HMCN2: variants seen among roughly 807,000 people sequenced by gnomAD.
HMCN2 encodes the protein hemicentin-2.
In HMCN2, 325 loss-of-function variants were observed where a neutral mutation model predicts 377.5. That is an observed-to-expected ratio of 0.86 (90% CI 0.79 to 0.94). The LOEUF is 0.94. HMCN2 is among the 40% of genes least tolerant of loss of function. The probability of loss-of-function intolerance (pLI) is 0.00; values close to 1 mark genes in which losing one functional copy is unlikely to be tolerated. For missense variants in HMCN2, 4,543 were observed against 4,725.3 expected (o/e 0.96, Z 1.13); for synonymous variants, 2,007 against 2,046.8 (o/e 0.98, Z 0.53).
At chr9:130,431,548 G>C in intron 96 of HMCN2, 62 bp downstream of exon 96, 1 of 1,524,578 alleles carries the variant, frequency 6.6e-7, no homozygotes, top group Non-Finnish European at 8.8e-7. Context: ...GCGTGGGATG[G>C]GACATGTGGC....
At position 130,377,651 on chromosome 9, in the gene HMCN2, C is replaced by T. The variant is rs769526755; in HGVS notation, c.8064C>T (p.Pro2688=). Residue 2688 remains proline (P), a splice_region_variant and synonymous_variant, in exon 53 of 98, where the codon CCC becomes CCT. Transcript: ENST00000683500. ...TGACCCCCTCATCCTCCTCACAGCC[C>T]GTGACCCCCAGCTCGCGGCTGCAGG... The part of the protein sequence containing the change: ...PTIRWYKDGQ[P]VTPSSRLQVL... 28 of 985,968 alleles carry T rather than the reference C, an allele frequency of 2.8e-5. No individual in the cohort carries two copies. Among genetic ancestry groups the T allele is most frequent in the East Asian group, 1.1e-4 (1 of 8,818 alleles). The allele number at this position is 985,968 out of a possible 1,614,324, so 61.1% of individuals were successfully genotyped here. A position where few individuals can be genotyped will look rare whatever the true frequency, so the allele number is the denominator to read the frequency against.
Position 130,271,341 on chromosome 9 carries a change from G to C in HMCN2, c.259+5204G>C, listed in dbSNP as rs541914718. ...CATGATCCACGTCCTTGGTGGGGGAGTATCTATCTACATGGATTATTTGGA... is the reference window on the plus strand; with the variant it reads ...CATGATCCACGTCCTTGGTGGGGGACTATCTATCTACATGGATTATTTGGA... On this transcript the variant is annotated intron_variant, in intron 1 of 97. Transcript: ENST00000683500. Among the ~76,000 whole-genome samples, 10 of 148,928 alleles carry C rather than the reference G, an allele frequency of 6.7e-5. 1 individual carries two copies. Among genetic ancestry groups the C allele is most frequent in the Non-Finnish European group, 7.5e-5 (5 of 66,334 alleles).
At chr9:130,323,464 C>T (rs1209578649) in intron 19 of HMCN2, among the ~76,000 whole-genome samples, 1 of 152,222 alleles carries the variant, frequency 6.6e-6, no homozygotes, top group African/African-American at 2.4e-5. Flanking sequence ...CTCATCTATC[C>T]ATTCCAGAAG....
chr9:130,285,101 G>T, intron 2 of HMCN2, 57 bp from the exon 3 acceptor site: 1 of 462,906 alleles, frequency 2.2e-6, no homozygotes, highest in Non-Finnish European at 4.5e-6. Flanking sequence ...GATGTCCCTG[G>T]GTGGGTCCCA....
chr9:130,428,499 G>A lies in HMCN2; in HGVS notation c.14197+10G>A. On this transcript the variant is annotated intron_variant, in intron 93 of 97. Coordinates refer to ENST00000683500, the MANE Select transcript of HMCN2 (RefSeq NM_001291815.2). This position sits in a 1 kb window ranked among gnomAD's most constrained non-coding sequence, Gnocchi z 5.0. ...GGGGCCGGCTGTGAAGGTGATGGGG[G>A]CACAGCATGCGGCCTGTCCATACTC... is the stretch of plus-strand genomic sequence containing the variant. The A allele has an allele frequency of 4.6e-6, 7 of 1,538,202 alleles. No homozygotes were observed. The highest frequency in any genetic ancestry group is 6.1e-6 in the Non-Finnish European group (7 of 1,146,826).
chr9:130,344,689 G>A (rs1365795524), intron 25 of HMCN2, among the ~76,000 whole-genome samples: 1 of 150,000 alleles, frequency 6.7e-6, no homozygotes, highest in Non-Finnish European at 1.5e-5. Flanking sequence ...TGATGTGTAT[G>A]TAGTGTGTGT....
chr9:130,307,033 T>C, intron 13 of HMCN2, 95 bp downstream of exon 13: 1 of 382,346 alleles, frequency 2.6e-6, no homozygotes, highest in Non-Finnish European at 5.5e-6. Context: ...AGCATTTACC[T>C]GTCACGCACC....
chr9:130,398,071 T>G (rs1219428496), intron 74 of HMCN2, among the ~76,000 whole-genome samples: 1 of 139,132 alleles, frequency 7.2e-6, no homozygotes, highest in East Asian at 2.1e-4. Context: ...GAGGATCACT[T>G]GAGCCCGGGA....
At position 130,377,346 on chromosome 9, in the gene HMCN2, C is replaced by A. The variant is rs117164151; in HGVS notation, c.8062-303C>A. Among the ~76,000 whole-genome samples, 546 of 152,284 alleles carry A rather than the reference C, an allele frequency of 3.6e-3. 17 individuals are homozygous for A. The East Asian group carries it at 0.066, about 18-fold the overall frequency. On this transcript the variant is annotated intron_variant, in intron 52 of 97. Coordinates refer to ENST00000683500, the MANE Select transcript of HMCN2 (RefSeq NM_001291815.2). ...GCCAGGCCGATCTCAAACTCCTGACCTTGTGATCCACCAACCTTGGCCTCC... is the reference window on the plus strand; with the variant it reads ...GCCAGGCCGATCTCAAACTCCTGACATTGTGATCCACCAACCTTGGCCTCC...
chr9:130,419,731 C>G (rs1346051602), intron 86 of HMCN2: 6 of 146,548 alleles, frequency 4.1e-5, no homozygotes, highest in African/African-American at 1.7e-4. Flanking sequence ...GGCGATGCAT[C>G]TCCCTCGCTG....
chr9:130,369,949 G>A lies in HMCN2; in HGVS notation c.7069+98G>A, dbSNP rs1840924731. Reference sequence around the variant, plus strand: ...GCACGGCCCTCAGGCTGTGATCCTGGGGTCACACCTGTTCTTTCTGGAGTC... The same window carrying A: ...GCACGGCCCTCAGGCTGTGATCCTGAGGTCACACCTGTTCTTTCTGGAGTC... On this transcript the variant is annotated intron_variant, in intron 45 of 97. Coordinates refer to ENST00000683500, the MANE Select transcript of HMCN2 (RefSeq NM_001291815.2). The surrounding 1 kb of genome is among the most constrained non-coding windows in gnomAD (Gnocchi z 4.5). 4.2e-6 allele frequency: 3 copies of A among 708,076 alleles called. No homozygotes were observed. The highest frequency in any genetic ancestry group is 5.2e-6 in the Non-Finnish European group (3 of 576,332). The allele number at this position is 708,076 out of a possible 1,614,324, so 43.9% of individuals were successfully genotyped here. A position where few individuals can be genotyped will look rare whatever the true frequency, so the allele number is the denominator to read the frequency against.
At chr9:130,353,406 C>T (rs1414741378) in intron 31 of HMCN2, among the ~76,000 whole-genome samples, 3 of 152,182 alleles carry the variant, frequency 2.0e-5, no homozygotes, top group African/African-American at 7.2e-5. Context: ...GAAACTGAGG[C>T]CAGGAGTGGA....
chr9:130,375,099 A>T (rs1339196259), intron 49 of HMCN2, among the ~76,000 whole-genome samples: 1 of 152,260 alleles, frequency 6.6e-6, no homozygotes, highest in Non-Finnish European at 1.5e-5. Flanking sequence ...AGAGGGGCAC[A>T]GACCAGCTTA....
chr9:130,301,131 G>T (rs1554934263), intron 8 of HMCN2, among the ~76,000 whole-genome samples: 2 of 152,250 alleles, frequency 1.3e-5, no homozygotes, highest in Non-Finnish European at 2.9e-5. Flanking sequence ...ATGGTTGGTG[G>T]AGGACTTTGA....
chr9:130,310,277 A>T (rs1456908304), intron 15 of HMCN2, among the ~76,000 whole-genome samples: 1 of 152,234 alleles, frequency 6.6e-6, no homozygotes, highest in Non-Finnish European at 1.5e-5. Context: ...GTGTGGCTTA[A>T]ACAATAAGTA....
rs1842938929 is a variant in HMCN2, at chr9:130,403,284, G to A, written c.11969G>A (p.Arg3990Gln). ...LLPCEASGIP[R>Q]PTITWQKEGL... is the part of the protein sequence containing the mutation. ...CCCTGCGAGGCCTCAGGCATCCCCC[G>A]GCCGACCATCACCTGGCAGAAGGAA... The change falls in exon 79 of 98, where the codon CGG becomes CAG. Residue 3990 changes from arginine to glutamine, a missense_variant. Coordinates refer to ENST00000683500, the MANE Select transcript of HMCN2 (RefSeq NM_001291815.2). The A allele has an allele frequency of 2.3e-6, 3 of 1,289,818 alleles. No homozygotes were observed. Among genetic ancestry groups the A allele is most frequent in the African/African-American group, 1.5e-5 (1 of 65,952 alleles). The allele number at this position is 1,289,818 out of a possible 1,614,324, so 79.9% of individuals were successfully genotyped here.
At chr9:130,291,804 T>A (rs574377196) in intron 4 of HMCN2, among the ~76,000 whole-genome samples, 1 of 152,362 alleles carries the variant, frequency 6.6e-6, no homozygotes, top group East Asian at 1.9e-4. Flanking sequence ...ATGTTCAGAT[T>A]TCCCTGTCTT....
At chr9:130,395,781 C>T in intron 71 of HMCN2, 143 bp from the exon 72 acceptor site, 1 of 844,552 alleles carries the variant, frequency 1.2e-6, no homozygotes, top group Non-Finnish European at 1.6e-6. Context: ...CTCGGCGGGG[C>T]ACAGTCAGGG....
At chr9:130,346,683 C>T (rs1309740195) in intron 25 of HMCN2, among the ~76,000 whole-genome samples, 1 of 152,068 alleles carries the variant, frequency 6.6e-6, no homozygotes, top group African/African-American at 2.4e-5. Flanking sequence ...GGGCACTGTG[C>T]TAGAGGCTGG....
Sources: allele counts gnomAD v4.1 joint callset (sites outside exome capture counted in the v4.1 genomes callset), GRCh38; gene constraint gnomAD v4.1.1; non-coding constraint Gnocchi (gnomAD v3.1); transcripts MANE v1.5; gene names NCBI Gene and HGNC (gene_info 2026-07-23, HGNC 2026-07-21).